Variants in CATSPERQ observed in about 807,000 individuals in gnomAD.
CATSPERQ encodes the protein catsper channel auxiliary subunit theta, also known as cation channel sperm-associated auxiliary subunit theta.
the CATSPERQ span, chr8:144,354,907 G>A: frequency 5.1e-6 from 7 of 1,369,184 alleles, no homozygotes; most frequent in Non-Finnish European, 6.8e-6. The surrounding 1 kb of genome is among the most constrained non-coding windows in gnomAD (Gnocchi z 4.6). Flanking sequence ...GCGACTGACA[G>A]GGCAGCGAGG....
At chr8:144,354,089 C>T in the CATSPERQ span, 7 of 1,535,064 alleles carry the variant, frequency 4.6e-6, no homozygotes, top group African/African-American at 5.5e-5. The surrounding 1 kb of genome is among the most constrained non-coding windows in gnomAD (Gnocchi z 4.6). Context: ...GACGAGATCA[C>T]GAGCCACAGG....
At chr8:144,354,060 C>T in the CATSPERQ span, 7 of 1,535,442 alleles carry the variant, frequency 4.6e-6, no homozygotes, top group Middle Eastern at 1.7e-4. This position sits in a 1 kb window ranked among gnomAD's most constrained non-coding sequence, Gnocchi z 4.6. Flanking sequence ...GGTTCAGCAC[C>T]AGGCGGCGCC....
At chr8:144,354,396 G>A in the CATSPERQ span, 1 of 1,486,196 alleles carries the variant, frequency 6.7e-7, no homozygotes, top group Non-Finnish European at 9.0e-7. The surrounding 1 kb of genome is among the most constrained non-coding windows in gnomAD (Gnocchi z 4.6). Context: ...GCGGTGCCAA[G>A]GCTTGGCCCG....
At chr8:144,354,209 G>A in the CATSPERQ span, 3 of 1,546,336 alleles carry the variant, frequency 1.9e-6, no homozygotes, top group Admixed American at 3.9e-5. This position sits in a 1 kb window ranked among gnomAD's most constrained non-coding sequence, Gnocchi z 4.6. Context: ...GGAGGAGGGC[G>A]GTGGGGGTCG....
At chr8:144,354,541 C>G in the CATSPERQ span, 5 of 1,443,476 alleles carry the variant, frequency 3.5e-6, no homozygotes, top group Non-Finnish European at 3.7e-6. The surrounding 1 kb of genome is among the most constrained non-coding windows in gnomAD (Gnocchi z 4.6). Context: ...ATTCAGGCCT[C>G]GGGCCCGTCT....
chr8:144,353,555 G>T, the CATSPERQ span: 1 of 1,521,934 alleles, frequency 6.6e-7, no homozygotes, highest in Non-Finnish European at 8.8e-7. Flanking sequence ...GCTCAACTGG[G>T]GCCGGGACAG....
chr8:144,354,143 TC>T, the CATSPERQ span: 1 of 1,534,610 alleles, frequency 6.5e-7, no homozygotes, highest in Non-Finnish European at 8.7e-7. This position sits in a 1 kb window ranked among gnomAD's most constrained non-coding sequence, Gnocchi z 4.6. Flanking sequence ...GTCTCTTGCT[TC>T]TGCACCTGCG....
the CATSPERQ span, chr8:144,353,748 G>A: frequency 1.3e-6 from 2 of 1,534,560 alleles, no homozygotes; most frequent in Non-Finnish European, 8.7e-7. Context: ...ATCGTGTCCT[G>A]AGGAGGGCGC....
chr8:144,353,826 G>A, the CATSPERQ span: 1 of 1,535,352 alleles, frequency 6.5e-7, no homozygotes, highest in South Asian at 1.2e-5. Flanking sequence ...CCAACCTGTG[G>A]CCGCCGAGGA....
the CATSPERQ span, chr8:144,353,602 C>T: frequency 6.8e-7 from 1 of 1,472,412 alleles, no homozygotes; most frequent in African/African-American, 1.4e-5. Context: ...TCTCCTTCCC[C>T]TACCAGGCTG....
At chr8:144,354,282 G>A in the CATSPERQ span, 3 of 1,534,800 alleles carry the variant, frequency 2.0e-6, no homozygotes, top group East Asian at 2.4e-5. The surrounding 1 kb of genome is among the most constrained non-coding windows in gnomAD (Gnocchi z 4.6). Flanking sequence ...TGATGATGAA[G>A]AGCAGCATCC....
the CATSPERQ span, chr8:144,353,359 G>A: frequency 6.5e-7 from 1 of 1,533,286 alleles, no homozygotes; most frequent in African/African-American, 1.4e-5. Flanking sequence ...CACACCTCCA[G>A]GCTGGACTGA....
the CATSPERQ span, chr8:144,353,877 G>A: frequency 6.5e-7 from 1 of 1,532,070 alleles, no homozygotes; most frequent in Non-Finnish European, 8.7e-7. Context: ...CGGGGAGAGC[G>A]GACTTAGCCA....
the CATSPERQ span, chr8:144,354,835 C>T: frequency 5.3e-6 from 8 of 1,496,144 alleles, no homozygotes; most frequent in Middle Eastern, 1.9e-4. The surrounding 1 kb of genome is among the most constrained non-coding windows in gnomAD (Gnocchi z 4.6). Context: ...CACAGCGGCA[C>T]TCCTACCTCG....
chr8:144,353,332 G>A, the CATSPERQ span: 2 of 1,522,120 alleles, frequency 1.3e-6, no homozygotes, highest in Non-Finnish European at 1.8e-6. Flanking sequence ...TCCCGAGGTG[G>A]GGGAGGCCCT....
At chr8:144,353,999 C>T in the CATSPERQ span, 66 of 1,534,946 alleles carry the variant, frequency 4.3e-5, no homozygotes, top group Admixed American at 3.9e-5. Context: ...TGCAAGGGGC[C>T]CTGGCACACG....
the CATSPERQ span, chr8:144,354,205 G>A: frequency 6.5e-7 from 1 of 1,546,428 alleles, no homozygotes; most frequent in East Asian, 2.4e-5. The surrounding 1 kb of genome is among the most constrained non-coding windows in gnomAD (Gnocchi z 4.6). Context: ...CAGGGGAGGA[G>A]GGCGGTGGGG....
At chr8:144,353,602 C>G in the CATSPERQ span, 2 of 1,472,294 alleles carry the variant, frequency 1.4e-6, no homozygotes, top group South Asian at 2.6e-5. Flanking sequence ...TCTCCTTCCC[C>G]TACCAGGCTG....
the CATSPERQ span, chr8:144,354,320 C>G: frequency 6.5e-7 from 1 of 1,533,496 alleles, no homozygotes; most frequent in Non-Finnish European, 8.7e-7. This position sits in a 1 kb window ranked among gnomAD's most constrained non-coding sequence, Gnocchi z 4.6. Context: ...AGGTAGTATT[C>G]GAGCACGAAG....
Sources: allele counts gnomAD v4.1 joint callset, GRCh38; gene constraint gnomAD v4.1.1; non-coding constraint Gnocchi (gnomAD v3.1); transcripts MANE v1.5; gene names NCBI Gene and HGNC (gene_info 2026-07-23, HGNC 2026-07-21).